ATRNL1: variants seen among roughly 807,000 people sequenced by gnomAD.
The protein encoded by ATRNL1 is attractin like 1.
A neutral mutation model predicts 182.7 loss-of-function variants in ATRNL1; 95 were observed. The observed-to-expected ratio is 0.52, with a 90% confidence interval of 0.44 to 0.62. The LOEUF (loss-of-function observed/expected upper bound fraction) is 0.62, where lower values mean the gene tolerates loss of function less well. Among genes scored for constraint, ATRNL1 ranks in the 20% least tolerant of loss-of-function variants. The pLI, the probability that ATRNL1 is intolerant of heterozygous loss-of-function variation, is 0.00. For missense variants in ATRNL1, 1,471 were observed against 1,679.5 expected, an observed-to-expected ratio of 0.88 and a Z score of 2.17; for synonymous variants, 576 against 568.3, an observed-to-expected ratio of 1.01 and a Z score of -0.19.
chr10:115,355,016 T>C (rs1856440233), intron 19 of ATRNL1, among the ~76,000 whole-genome samples: 1 of 152,274 alleles, frequency 6.6e-6, no homozygotes, highest in South Asian at 2.1e-4. Context: ...TTTTTATTGT[T>C]TATTTCAGTG....
intron 26 of ATRNL1, among the ~76,000 whole-genome samples, chr10:115,570,880 G>A (rs1366983967): frequency 6.6e-6 from 1 of 152,148 alleles, no homozygotes; most frequent in African/African-American, 2.4e-5. Context: ...CCCTCAGTTA[G>A]GACTCCACGT....
intron 26 of ATRNL1, among the ~76,000 whole-genome samples, chr10:115,642,319 G>T (rs1189403284): frequency 1.3e-5 from 2 of 152,042 alleles, no homozygotes; most frequent in African/African-American, 4.8e-5. Context: ...ACTGATGAAA[G>T]AAATCAAAGA....
intron 5 of ATRNL1, among the ~76,000 whole-genome samples, chr10:115,155,486 T>C: frequency 6.6e-6 from 1 of 152,108 alleles, no homozygotes; most frequent in Non-Finnish European, 1.5e-5. Flanking sequence ...AGGTGGAAGC[T>C]CCACAATTAA....
At chr10:115,765,675 A>G (rs370296225) in intron 27 of ATRNL1, among the ~76,000 whole-genome samples, 2 of 152,184 alleles carry the variant, frequency 1.3e-5, no homozygotes, top group East Asian at 3.9e-4. Flanking sequence ...TCTTTCATGA[A>G]TTAAGCCTTT....
chr10:115,354,276 G>C (rs1448768403), intron 19 of ATRNL1, among the ~76,000 whole-genome samples: 6 of 151,968 alleles, frequency 3.9e-5, no homozygotes, highest in African/African-American at 1.4e-4. Flanking sequence ...TGAATTTCAT[G>C]CTTTCAGATG....
intron 26 of ATRNL1, among the ~76,000 whole-genome samples, chr10:115,564,178 G>A (rs1853932351): frequency 6.6e-6 from 1 of 151,816 alleles, no homozygotes; most frequent in Non-Finnish European, 1.5e-5. Context: ...GTGATATTTA[G>A]GTAAACCATT....
chr10:115,098,496 C>G (rs868963618), intron 1 of ATRNL1, among the ~76,000 whole-genome samples: 9 of 120,878 alleles, frequency 7.4e-5, no homozygotes, highest in African/African-American at 2.7e-4. Flanking sequence ...GAGTCTGGCT[C>G]TGTCACCCAG....
intron 26 of ATRNL1, among the ~76,000 whole-genome samples, chr10:115,675,331 T>C (rs1168140799): frequency 6.6e-6 from 1 of 151,980 alleles, no homozygotes; most frequent in Non-Finnish European, 1.5e-5. Flanking sequence ...GACTGCACAC[T>C]CCAGCTCCAG....
chr10:115,745,396 C>G (rs952744036), intron 27 of ATRNL1, among the ~76,000 whole-genome samples: 11 of 152,210 alleles, frequency 7.2e-5, no homozygotes, highest in Middle Eastern at 3.4e-3. Flanking sequence ...TTGTATTTTT[C>G]AGGACCTGGA....
chr10:115,717,121 A>G (rs528584306), intron 26 of ATRNL1, among the ~76,000 whole-genome samples: 6 of 152,306 alleles, frequency 3.9e-5, no homozygotes, highest in African/African-American at 1.4e-4. Flanking sequence ...AAAAGGTTAC[A>G]TACAAAATTG....
intron 26 of ATRNL1, among the ~76,000 whole-genome samples, chr10:115,699,285 T>C (rs1946659762): frequency 6.6e-6 from 1 of 152,110 alleles, no homozygotes; most frequent in Admixed American, 6.6e-5. Context: ...ACATGAAAGA[T>C]AGTTCTAAAA....
chr10:115,811,616 C>T (rs1463900166), intron 27 of ATRNL1, among the ~76,000 whole-genome samples: 1 of 152,002 alleles, frequency 6.6e-6, no homozygotes, highest in African/African-American at 2.4e-5. Flanking sequence ...TCAGTTTTTG[C>T]TTCATGTATT....
At chr10:115,275,139 C>G (rs1852047907) in intron 13 of ATRNL1, among the ~76,000 whole-genome samples, 1 of 152,168 alleles carries the variant, frequency 6.6e-6, no homozygotes, top group Non-Finnish European at 1.5e-5. Flanking sequence ...TAATTGTCCT[C>G]ACTCCACAGG....
At chr10:115,104,973 A>C (rs1161741396) in intron 1 of ATRNL1, among the ~76,000 whole-genome samples, 1 of 151,606 alleles carries the variant, frequency 6.6e-6, no homozygotes, top group African/African-American at 2.4e-5. Context: ...GGTATAATTT[A>C]AAGTCAGGTA....
chr10:115,374,220 A>T (rs1857540454), intron 19 of ATRNL1, among the ~76,000 whole-genome samples: 1 of 151,652 alleles, frequency 6.6e-6, no homozygotes, highest in Non-Finnish European at 1.5e-5. Context: ...AATTTTCTTT[A>T]TATGAATCTT....
intron 27 of ATRNL1, among the ~76,000 whole-genome samples, chr10:115,776,605 C>CTTTTTTTTTTTTTTTTTTTTT (rs1565369376): frequency 1.2e-4 from 19 of 152,038 alleles, no homozygotes; most frequent in African/African-American, 3.9e-4. Flanking sequence ...AATATTCATT[C>CTTTTTTTTTTTTTTTTTTTTT]TTGAAACGAA....
At chr10:115,802,051 A>ACACACACACACACACACACAAC (rs1412039169) in intron 27 of ATRNL1, among the ~76,000 whole-genome samples, 15 of 11,212 alleles carry the variant, frequency 1.3e-3, no homozygotes, top group Non-Finnish European at 1.7e-3. Context: ...CACACAAAAC[A>ACACACACACACACACACACAAC]AAAAAAAACA....
intron 28 of ATRNL1, among the ~76,000 whole-genome samples, chr10:115,906,726 G>T (rs1952514025): frequency 6.6e-6 from 1 of 151,900 alleles, no homozygotes; most frequent in South Asian, 2.1e-4. Context: ...CCTCCCCCTA[G>T]AATTTCAGCA....
chr10:115,720,605 T>C (rs1947392290), intron 26 of ATRNL1, among the ~76,000 whole-genome samples: 1 of 152,192 alleles, frequency 6.6e-6, no homozygotes, highest in African/African-American at 2.4e-5. Context: ...GAAGTTATGA[T>C]CTACAATCAG....
Sources: gnomAD v4.1 joint callset for allele counts (sites outside exome capture counted in the v4.1 genomes callset) on GRCh38, gnomAD v4.1.1 for gene constraint, MANE v1.5 for transcripts, NCBI Gene and HGNC (gene_info 2026-07-23, HGNC 2026-07-21) for gene names.